The following GRID2 variants were observed in gnomAD, a reference collection of about 807,000 sequenced individuals.
GRID2 encodes the protein glutamate ionotropic receptor delta type subunit 2, also known as glutamate receptor ionotropic, delta-2.
In GRID2, 33 loss-of-function variants were observed where a neutral mutation model predicts 114.8. The observed-to-expected ratio is 0.29, with a 90% CI of 0.22 to 0.38. GRID2 has a LOEUF of 0.38. Among genes scored for constraint, GRID2 ranks in the 10% least tolerant of loss-of-function variants. GRID2 has a pLI of 1.00. For synonymous variants in GRID2, 505 were observed against 449.9 expected (o/e 1.12, Z -1.55); for missense variants, 1,184 against 1,257.7 (o/e 0.94, Z 0.89).
At chr4:93,109,819 A>G (rs1387637239) in intron 3 of GRID2, among the ~76,000 whole-genome samples, 1 of 152,174 alleles carries the variant, frequency 6.6e-6, no homozygotes, top group Non-Finnish European at 1.5e-5. Flanking sequence ...ATCTTCTTCT[A>G]TAAACAAGCA....
intron 14 of GRID2, among the ~76,000 whole-genome samples, chr4:93,670,770 G>T (rs1394931115): frequency 6.6e-6 from 1 of 152,080 alleles, no homozygotes; most frequent in East Asian, 1.9e-4. Context: ...TTTCCACATA[G>T]ATTTATTTTA....
chr4:92,955,901 A>G (rs553579149), intron 2 of GRID2, among the ~76,000 whole-genome samples: 47 of 152,230 alleles, frequency 3.1e-4, no homozygotes, highest in African/African-American at 1.1e-3. Context: ...TGTTTTTCTC[A>G]GTAGAGATAG....
At chr4:93,338,835 C>T (rs980153701) in intron 8 of GRID2, among the ~76,000 whole-genome samples, 11 of 152,086 alleles carry the variant, frequency 7.2e-5, no homozygotes, top group Non-Finnish European at 1.6e-4. Context: ...AATATGACCC[C>T]CAAAGAGCCT....
rs149540360 is a variant in GRID2 at position 93,785,535 on chromosome 4, T to G, written c.221+16085T>G. On this transcript the variant is annotated intron_variant, in intron 1 of 1. Transcript: ENST00000637838. ...TTCCAGGGACTGAAAGAAGTCAAGC[T>G]GATAAAAGGAAAATATCAAGAAAAT... Among the ~76,000 whole-genome samples, 292 of 152,258 alleles carry G rather than the reference T, an allele frequency of 1.9e-3. 3 individuals carry two copies. Among genetic ancestry groups the G allele is most frequent in the African/African-American group, 6.7e-3 (280 of 41,530 alleles).
chr4:93,635,368 G>A (rs1252482209), intron 14 of GRID2, among the ~76,000 whole-genome samples: 3 of 149,734 alleles, frequency 2.0e-5, no homozygotes, highest in South Asian at 4.2e-4. Context: ...CACTCTCAAA[G>A]GGAGACAGGA....
At chr4:93,654,726 C>T (rs570844263) in intron 14 of GRID2, among the ~76,000 whole-genome samples, 1 of 152,212 alleles carries the variant, frequency 6.6e-6, no homozygotes, top group South Asian at 2.1e-4. Flanking sequence ...AAAACCCATT[C>T]ATAAAAAGGA....
At chr4:93,414,369 C>G (rs1767497107) in intron 9 of GRID2, among the ~76,000 whole-genome samples, 1 of 152,060 alleles carries the variant, frequency 6.6e-6, no homozygotes, top group Admixed American at 6.6e-5. Flanking sequence ...CTATCTTAGT[C>G]AAAGTAACAG....
chr4:93,668,140 T>A (rs559414456), intron 14 of GRID2, among the ~76,000 whole-genome samples: 23 of 152,160 alleles, frequency 1.5e-4, no homozygotes, highest in Admixed American at 1.2e-3. Context: ...TTTCTGTTAC[T>A]GTCAGATAAT....
chr4:93,443,362 A>G (rs537091347), intron 10 of GRID2, among the ~76,000 whole-genome samples: 1 of 152,018 alleles, frequency 6.6e-6, no homozygotes. Flanking sequence ...AGTATTGCTT[A>G]GGTATAAATC....
At chr4:93,182,499 A>C (rs1739991065) in intron 4 of GRID2, among the ~76,000 whole-genome samples, 1 of 152,208 alleles carries the variant, frequency 6.6e-6, no homozygotes, top group African/African-American at 2.4e-5. Context: ...TCATATAGGC[A>C]ACTCCTAATT....
chr4:92,618,052 C>T (rs1422217913), intron 2 of GRID2, among the ~76,000 whole-genome samples: 1 of 151,498 alleles, frequency 6.6e-6, no homozygotes, highest in Non-Finnish European at 1.5e-5. Flanking sequence ...TGTGTTGTTG[C>T]CGGCGTTTTG....
rs1238658645 is a variant in GRID2, at chr4:93,248,095, AC to A, written c.1245+9606del. On this transcript the variant is annotated intron_variant, in intron 8 of 15. Transcript: ENST00000282020. ...TCCAATATCTAACAGATACACACAC[AC>A]ACACACACCAGTGAAGCTCCAGTCC... Among the ~76,000 whole-genome samples, 109 of 152,058 alleles carry A rather than the reference AC, an allele frequency of 7.2e-4. 1 individual carries two copies. Among genetic ancestry groups the A allele is most frequent in the Non-Finnish European group, 2.4e-4 (16 of 68,020 alleles).
At chr4:93,425,579 T>G (rs1208881710) in intron 10 of GRID2, among the ~76,000 whole-genome samples, 1 of 152,186 alleles carries the variant, frequency 6.6e-6, no homozygotes, top group Non-Finnish European at 1.5e-5. Flanking sequence ...CATTACTCTT[T>G]GCTAATTTTC....
chr4:93,439,188 G>C (rs1314585591), intron 10 of GRID2, among the ~76,000 whole-genome samples: 1 of 152,050 alleles, frequency 6.6e-6, no homozygotes, highest in Non-Finnish European at 1.5e-5. Context: ...AATCCTTTGG[G>C]TATATACCCA....
chr4:93,290,731 T>G (rs1045503491), intron 8 of GRID2, among the ~76,000 whole-genome samples: 1 of 152,084 alleles, frequency 6.6e-6, no homozygotes, highest in Non-Finnish European at 1.5e-5. Flanking sequence ...CTCTTATTCT[T>G]GGCTTCTATC....
At chr4:92,871,616 G>C (rs749894363) in intron 2 of GRID2, among the ~76,000 whole-genome samples, 18 of 152,126 alleles carry the variant, frequency 1.2e-4, no homozygotes, top group Non-Finnish European at 2.5e-4. Context: ...GCAGGGAAGA[G>C]GGTATAGGAA....
chr4:92,941,538 T>C (rs1162841967), intron 2 of GRID2, among the ~76,000 whole-genome samples: 2 of 152,216 alleles, frequency 1.3e-5, no homozygotes, highest in Non-Finnish European at 2.9e-5. Flanking sequence ...TTCATTGATT[T>C]TTTGAAGGGT....
At chr4:92,873,088 T>G (rs2149448187) in intron 2 of GRID2, among the ~76,000 whole-genome samples, 1 of 152,320 alleles carries the variant, frequency 6.6e-6, no homozygotes, top group South Asian at 2.1e-4. Context: ...AATTGGACTA[T>G]GATAGAGCTC....
At chr4:92,862,003 C>G (rs2149435974) in intron 2 of GRID2, among the ~76,000 whole-genome samples, 1 of 152,090 alleles carries the variant, frequency 6.6e-6, no homozygotes, top group East Asian at 1.9e-4. Flanking sequence ...CTCATTTACC[C>G]AAGTATCTCC....
Sources: gnomAD v4.1 joint callset for allele counts (sites outside exome capture counted in the v4.1 genomes callset) on GRCh38, gnomAD v4.1.1 for gene constraint, MANE v1.5 for transcripts, NCBI Gene and HGNC (gene_info 2026-07-23, HGNC 2026-07-21) for gene names.